The following CEP290 variants were observed in gnomAD, a reference collection of about 807,000 sequenced individuals.
CEP290 encodes the protein centrosomal protein 290.
In CEP290, 317 loss-of-function variants were observed where a neutral mutation model predicts 344.9. The ratio of observed to expected loss-of-function variants is 0.92; its 90% CI spans 0.84 to 1.01. CEP290 has a LOEUF of 1.01. Among genes scored for constraint, CEP290 ranks in the 50% least tolerant of loss-of-function variants. CEP290 has a pLI of 0.00. For missense variants in CEP290, 2,754 were observed against 2,761.4 expected (o/e 1.00, Z 0.06); for synonymous variants, 932 against 895.8 (o/e 1.04, Z -0.72).
chr12:88,111,593 G>T, intron 21 of CEP290, 101 bp downstream of exon 21: 1 of 991,264 alleles, frequency 1.0e-6, no homozygotes, highest in Non-Finnish European at 1.4e-6. Flanking sequence ...TTAATTCAAG[G>T]GGCATTTTCT....
intron 17 of CEP290, among the ~76,000 whole-genome samples, chr12:88,118,000 A>T (rs1565896088): frequency 6.6e-6 from 1 of 151,922 alleles, no homozygotes; most frequent in Non-Finnish European, 1.5e-5. Context: ...GCACCAGTGC[A>T]CTCCAGCCTG....
chr12:88,083,556 C>T (rs549816738), intron 36 of CEP290, among the ~76,000 whole-genome samples: 131 of 152,148 alleles, frequency 8.6e-4, no homozygotes, highest in Middle Eastern at 3.4e-3. Context: ...TCAAAAGAGG[C>T]AAATATGAGC....
At position 88,086,386 on chromosome 12, in the gene CEP290, C is replaced by T. The variant is rs1013125589; in HGVS notation, c.4302+5G>A. On this transcript the variant is annotated splice_donor_5th_base_variant and intron_variant, in intron 33 of 53. Transcript: ENST00000552810. Reference sequence around the variant, plus strand: ...AGAGTAACAAACAAGATTAATCATTCATACCTTTTGTGCCGCATTTAGTAT... The same window carrying T: ...AGAGTAACAAACAAGATTAATCATTTATACCTTTTGTGCCGCATTTAGTAT... 1.3e-6 allele frequency: 2 copies of T among 1,572,570 alleles called. No homozygotes were observed. Among genetic ancestry groups the T allele is most frequent in the African/African-American group, 2.7e-5 (2 of 74,218 alleles).
chr12:88,141,418 T>C (rs2040655008), intron 1 of CEP290, 84 bp from the exon 2 acceptor site: 2 of 624,406 alleles, frequency 3.2e-6, no homozygotes, highest in Non-Finnish European at 5.1e-6. Flanking sequence ...TTGCAGATTA[T>C]TTCATTATAA....
rs766956153 is a variant in CEP290, at chr12:88,089,213, T to C, written c.3848A>G (p.Gln1283Arg). The change falls in exon 31 of 54, where the codon CAG (glutamine) becomes CGG (arginine). Residue 1283 changes from glutamine (Q) to arginine (R), a missense_variant. Transcript: ENST00000552810. ...AATCATTGTTTTGGAGAACTTTTCCTGTTGTGCCAAGGGTAAAGCTCCACT... is the reference window on the plus strand; with the variant it reads ...AATCATTGTTTTGGAGAACTTTTCCCGTTGTGCCAAGGGTAAAGCTCCACT... ...QFSGALPLAQ[Q>R]EKFSKTMIQL... The C allele has an allele frequency of 4.3e-6, 7 of 1,613,592 alleles. No homozygotes were observed. Among genetic ancestry groups the C allele is most frequent in the Non-Finnish European group, 8.5e-7 (1 of 1,179,642 alleles).
intron 10 of CEP290, 118 bp downstream of exon 10, chr12:88,129,576 C>CT (rs1214109157): frequency 3.4e-6 from 2 of 596,606 alleles, no homozygotes; most frequent in African/African-American, 4.0e-5. Flanking sequence ...AGATATTACA[C>CT]TATTAAAAAG....
At chr12:88,116,030 T>G (rs2039016972) in intron 18 of CEP290, 1 of 985,324 alleles carries the variant, frequency 1.0e-6, no homozygotes, top group Non-Finnish European at 1.2e-6. Context: ...CAGCTCTATT[T>G]TCATGAATTT....
intron 27 of CEP290, among the ~76,000 whole-genome samples, chr12:88,095,215 C>T (rs2037341711): frequency 6.6e-6 from 1 of 152,046 alleles, no homozygotes; most frequent in Non-Finnish European, 1.5e-5. Context: ...AAAAGCACAT[C>T]ACAAAGGCTG....
chr12:88,089,501 AAAT>A lies in CEP290; in HGVS notation c.3574-17_3574-15del. 1 of 1,415,760 alleles carries A rather than the reference AAAT, an allele frequency of 7.1e-7. No individual in the cohort carries two copies. Among genetic ancestry groups the A allele is most frequent in the Non-Finnish European group, 9.3e-7 (1 of 1,081,018 alleles). The allele number at this position is 1,415,760 out of a possible 1,614,324, so 87.7% of individuals were successfully genotyped here. A position where few individuals can be genotyped will look rare whatever the true frequency, so the allele number is the denominator to read the frequency against. ...ATCAGACTGTGCCTGATATTAAAAA[AAAT>A]ATATATTTGTAGTAAGTTTCAAATT... is the stretch of plus-strand genomic sequence containing the variant. On this transcript the variant is annotated splice_polypyrimidine_tract_variant and intron_variant, in intron 30 of 53. Transcript: ENST00000552810.
chr12:88,139,597 C>G (rs2040527204), intron 3 of CEP290, 33 bp from the exon 4 acceptor site: 2 of 1,432,232 alleles, frequency 1.4e-6, no homozygotes, highest in Non-Finnish European at 1.9e-6. Flanking sequence ...TTCAATATGC[C>G]TTTATACTGG....
rs116075369 is a variant in CEP290 at position 88,094,644 on chromosome 12, G to A, written c.3104-669C>T. On this transcript the variant is annotated intron_variant, in intron 27 of 53. Transcript: ENST00000552810. Reference sequence around the variant, plus strand: ...CCTCAATTTACCATAAAAAGGCATCGCATAGGAGTGTCATTAGTCATTTTT... The same window carrying A: ...CCTCAATTTACCATAAAAAGGCATCACATAGGAGTGTCATTAGTCATTTTT... 6.1e-3 allele frequency among the ~76,000 whole-genome samples: 909 copies of A among 148,382 alleles called. 10 individuals are homozygous for A. The highest frequency in any genetic ancestry group is 0.021 in the African/African-American group (867 of 40,468).
intron 27 of CEP290, among the ~76,000 whole-genome samples, chr12:88,094,650 G>A (rs1423217554): frequency 7.1e-6 from 1 of 141,244 alleles, no homozygotes; most frequent in Non-Finnish European, 1.5e-5. Flanking sequence ...CATCGCATAG[G>A]AGTGTCATTA....
At chr12:88,053,455 A>G (rs1007727503) in intron 52 of CEP290, among the ~76,000 whole-genome samples, 197 bp downstream of exon 52, 1 of 152,102 alleles carries the variant, frequency 6.6e-6, no homozygotes, top group Non-Finnish European at 1.5e-5. Flanking sequence ...TTGCTACTCT[A>G]TAGTATAAAC....
intron 30 of CEP290, 35 bp downstream of exon 30, chr12:88,090,693 T>C: frequency 7.9e-7 from 1 of 1,258,408 alleles, no homozygotes; most frequent in Non-Finnish European, 1.1e-6. Flanking sequence ...GGGAAAAAAG[T>C]GGATTCTATG....
intron 41 of CEP290, among the ~76,000 whole-genome samples, chr12:88,076,463 C>T (rs1294108118): frequency 2.0e-5 from 3 of 151,996 alleles, no homozygotes; most frequent in African/African-American, 7.2e-5. Context: ...ACCATAGCTC[C>T]TCCATACTGA....
At chr12:88,080,488 A>ATG in intron 37 of CEP290, 93 bp from the exon 38 acceptor site, 8 of 897,638 alleles carry the variant, frequency 8.9e-6, no homozygotes, top group Non-Finnish European at 1.2e-5. Context: ...GGAGTGCAGC[A>ATG]GCGCAATCTC....
Position 88,111,689 on chromosome 12 carries a change from C to G in CEP290, c.2217+5G>C. 2 of 1,556,676 alleles carry G rather than the reference C, an allele frequency of 1.3e-6. No individual in the cohort carries two copies. The highest frequency in any genetic ancestry group is 1.7e-6 in the Non-Finnish European group (2 of 1,159,400). On this transcript the variant is annotated splice_donor_5th_base_variant and intron_variant, in intron 21 of 53. Coordinates refer to ENST00000552810, the MANE Select transcript of CEP290 (RefSeq NM_025114.4). ...GCATTTTCTTTTATTTAATAAAATT[C>G]TCACCTTTAAATTAGCTTTTGCCAA...
In CEP290 at chr12:88,118,677, T is replaced by C. The variant is rs1390141039; in HGVS notation, c.1589A>G (p.Gln530Arg). The C allele has an allele frequency of 1.2e-6, 2 of 1,613,570 alleles. No individual in the cohort carries two copies. Among genetic ancestry groups the C allele is most frequent in the Admixed American group, 3.3e-5 (2 of 60,022 alleles). The change falls in exon 16 of 54, where the codon CAG (glutamine) becomes CGG (arginine). Residue 530 changes from glutamine to arginine, a missense_variant. By Grantham distance (43) the Gln-to-Arg change is conservative (BLOSUM62 1). Coordinates refer to ENST00000552810, the MANE Select transcript of CEP290 (RefSeq NM_025114.4). ...AAGAATCTGGTTTTCAGCTCTGTAC[T>C]GCTGCTGTTTTAAGTGTTTGCTATT... ...FRNSKHLKQQ[Q>R]YRAENQILLK...
chr12:88,054,511 G>A (rs771989237), intron 50 of CEP290, 98 bp from the exon 51 acceptor site: 1 of 999,144 alleles, frequency 1.0e-6, no homozygotes, highest in Non-Finnish European at 1.5e-6. Flanking sequence ...ATTAAAATAT[G>A]GTTTTCAAAA....
Sources: gnomAD v4.1 joint callset for allele counts (sites outside exome capture counted in the v4.1 genomes callset) on GRCh38, gnomAD v4.1.1 for gene constraint, MANE v1.5 for transcripts, NCBI Gene and HGNC (gene_info 2026-07-23, HGNC 2026-07-21) for gene names.